FAM20A: variants seen among roughly 807,000 people sequenced by gnomAD.
The protein encoded by FAM20A is pseudokinase FAM20A.
FAM20A carries 42 observed loss-of-function variants against 52.0 expected under a neutral mutation model. The observed-to-expected ratio is 0.81, with a 90% CI of 0.63 to 1.04. The LOEUF is 1.04. Ranked by LOEUF, FAM20A falls within the 50% of genes least tolerant of loss-of-function variation. FAM20A has a pLI of 0.00. For missense variants in FAM20A, 742 were observed against 712.7 expected (o/e 1.04, Z -0.47); for synonymous variants, 304 against 298.9 (o/e 1.02, Z -0.18).
intron 1 of FAM20A, among the ~76,000 whole-genome samples, chr17:68,584,232 A>C (rs2088099313): frequency 6.6e-6 from 1 of 151,888 alleles, no homozygotes; most frequent in African/African-American, 2.4e-5. Flanking sequence ...CAGGAGAATC[A>C]CTTGAATCCA....
intron 1 of FAM20A, among the ~76,000 whole-genome samples, chr17:68,590,864 G>T (rs543068772): frequency 6.6e-6 from 1 of 152,132 alleles, no homozygotes; most frequent in Non-Finnish European, 1.5e-5. Flanking sequence ...TTGGTTGGAC[G>T]GTGGGAATCA....
intron 1 of FAM20A, among the ~76,000 whole-genome samples, chr17:68,596,922 G>C (rs1425333174): frequency 1.3e-5 from 2 of 152,178 alleles, no homozygotes; most frequent in East Asian, 1.9e-4. Flanking sequence ...TTTGCAGAAA[G>C]CTTCAGGGCC....
intron 9 of FAM20A, 132 bp downstream of exon 9, chr17:68,539,753 G>T: frequency 1.2e-6 from 1 of 812,656 alleles, no homozygotes. Context: ...GGAAGAAGCC[G>T]GGCTCGAAGG....
At chr17:68,538,889 C>T (rs1399349076) in intron 10 of FAM20A, among the ~76,000 whole-genome samples, 4 of 152,134 alleles carry the variant, frequency 2.6e-5, no homozygotes, top group Non-Finnish European at 4.4e-5. Context: ...AGTCATGAAT[C>T]GCTTAGTGAT....
chr17:68,552,051 T>A, intron 3 of FAM20A, 100 bp from the exon 4 acceptor site: 2 of 757,226 alleles, frequency 2.6e-6, no homozygotes, highest in Non-Finnish European at 4.7e-6. Flanking sequence ...GCTTTCCTCT[T>A]ATGTAATGAG....
At chr17:68,598,506 A>G (rs2088521869) in intron 1 of FAM20A, among the ~76,000 whole-genome samples, 1 of 152,124 alleles carries the variant, frequency 6.6e-6, no homozygotes, top group Non-Finnish European at 1.5e-5. Flanking sequence ...GAGCAACCAC[A>G]CAAAACTACT....
intron 10 of FAM20A, among the ~76,000 whole-genome samples, chr17:68,538,786 T>C (rs754246991): frequency 2.2e-4 from 33 of 152,222 alleles, no homozygotes; most frequent in Admixed American, 2.1e-3. Context: ...AAGTTGGCAA[T>C]TGAAAGGTTT....
At chr17:68,566,456 G>C (rs564015036) in intron 1 of FAM20A, among the ~76,000 whole-genome samples, 1 of 152,258 alleles carries the variant, frequency 6.6e-6, no homozygotes, top group African/African-American at 2.4e-5. Flanking sequence ...ATATTTTAGG[G>C]GTTTGATGGT....
chr17:68,567,269 A>G (rs1456875251), intron 1 of FAM20A, among the ~76,000 whole-genome samples: 1 of 151,978 alleles, frequency 6.6e-6, no homozygotes, highest in East Asian at 1.9e-4. Flanking sequence ...CGAACAGGCA[A>G]AGCTGTGTTC....
chr17:68,596,267 C>T (rs2088450459), intron 1 of FAM20A, among the ~76,000 whole-genome samples: 1 of 152,100 alleles, frequency 6.6e-6, no homozygotes. Flanking sequence ...ATATAACCTT[C>T]CTGACATCTG....
intron 1 of FAM20A, among the ~76,000 whole-genome samples, chr17:68,581,479 TTTC>T (rs985690585): frequency 6.6e-4 from 79 of 119,180 alleles, no homozygotes; most frequent in African/African-American, 2.2e-3. Flanking sequence ...TCTTTCTTTC[TTTC>T]TTTCTTTTTC....
At chr17:68,575,702 A>T (rs1162865934) in intron 1 of FAM20A, among the ~76,000 whole-genome samples, 1 of 121,792 alleles carries the variant, frequency 8.2e-6, no homozygotes, top group South Asian at 2.3e-4. Context: ...TATTATATAT[A>T]TTATATATTA....
chr17:68,584,794 G>T (rs925349146), intron 1 of FAM20A, among the ~76,000 whole-genome samples: 1 of 152,188 alleles, frequency 6.6e-6, no homozygotes, highest in Non-Finnish European at 1.5e-5. Context: ...AGCTGCTGCG[G>T]ACCAACTGCT....
intron 1 of FAM20A, among the ~76,000 whole-genome samples, chr17:68,576,719 C>T (rs1046250505): frequency 3.9e-5 from 6 of 152,138 alleles, no homozygotes; most frequent in African/African-American, 1.4e-4. Flanking sequence ...AACTGATGAG[C>T]AAATCTGAGA....
Position 68,600,241 on chromosome 17 carries a change from G to A in FAM20A, c.404+22C>T. 6.4e-7 allele frequency: 1 copy of A among 1,551,454 alleles called. No homozygotes were observed. The highest frequency in any genetic ancestry group is 8.7e-7 in the Non-Finnish European group (1 of 1,147,908). ...CCCCGGCCAGAGCGCCCGCTCTCCC[G>A]CGTCCCGGGCGGGGTCCTCACCTGT... On this transcript the variant is annotated intron_variant, in intron 1 of 10. Coordinates refer to ENST00000592554, the MANE Select transcript of FAM20A (RefSeq NM_017565.4). The surrounding 1 kb of genome is among the most constrained non-coding windows in gnomAD (Gnocchi z 6.2).
At chr17:68,578,355 G>T (rs752152815) in intron 1 of FAM20A, among the ~76,000 whole-genome samples, 6 of 152,134 alleles carry the variant, frequency 3.9e-5, no homozygotes, top group Non-Finnish European at 5.9e-5. Flanking sequence ...TGGTTCATAA[G>T]CAAATTTCCT....
chr17:68,592,653 C>T (rs370208499), intron 1 of FAM20A, among the ~76,000 whole-genome samples: 1 of 152,208 alleles, frequency 6.6e-6, no homozygotes, highest in East Asian at 1.9e-4. Flanking sequence ...TTTTAAAAAT[C>T]TCATCTCTTT....
At position 68,579,449 on chromosome 17, in the gene FAM20A, A is replaced by G. The variant is rs551529670; in HGVS notation, c.404+20814T>C. Among the ~76,000 whole-genome samples the G allele has an allele frequency of 3.9e-5, 6 of 152,098 alleles. No homozygotes were observed. In the South Asian group the frequency reaches 8.3e-4, roughly 21 times the overall value. On this transcript the variant is annotated intron_variant, in intron 1 of 10. Coordinates refer to ENST00000592554, the MANE Select transcript of FAM20A (RefSeq NM_017565.4). ...ATGACTCAGACTAAATTTCTAGCCA[A>G]CCAAACAGAAAAGAGGGCCTAGAGT...
At position 68,535,679 on chromosome 17, in the gene FAM20A, T is replaced by G. The variant is rs1241879478; in HGVS notation, c.*1798A>C. The G allele has an allele frequency of 2.2e-6, 1 of 447,244 alleles. No individual in the cohort carries two copies. Among genetic ancestry groups the G allele is most frequent in the East Asian group, 7.0e-5 (1 of 14,358 alleles). 27.7% of individuals were successfully genotyped at this position (447,244 alleles called of 1,614,324 possible). A position where few individuals can be genotyped will look rare whatever the true frequency, so the allele number is the denominator to read the frequency against. On this transcript the variant is annotated 3_prime_UTR_variant, in exon 11 of 11. Transcript: ENST00000592554. ...TTGATTTAAAAAAAAATTTTTTTTT[T>G]TTTGTATTTTTTTGTAGAGACAGGG... is the stretch of plus-strand genomic sequence containing the variant.
Sources: gnomAD v4.1 joint callset for allele counts (sites outside exome capture counted in the v4.1 genomes callset) on GRCh38, gnomAD v4.1.1 for gene constraint, Gnocchi (gnomAD v3.1) non-coding constraint, MANE v1.5 for transcripts, NCBI Gene and HGNC (gene_info 2026-07-23, HGNC 2026-07-21) for gene names.